The following ING3 variants were observed in gnomAD, a reference collection of about 807,000 sequenced individuals.
ING3 encodes inhibitor of growth family member 3.
In ING3, 6 loss-of-function variants were observed where a neutral mutation model predicts 64.8. That is an observed-to-expected ratio of 0.09 (90% confidence interval 0.05 to 0.18). The LOEUF (loss-of-function observed/expected upper bound fraction) is 0.18, where lower values mean the gene tolerates loss of function less well. Among genes scored for constraint, ING3 ranks in the 10% least tolerant of loss-of-function variants. The pLI, the probability that ING3 is intolerant of heterozygous loss-of-function variation, is 1.00. For synonymous variants in ING3, 170 were observed against 173.7 expected, an observed-to-expected ratio of 0.98 and a Z score of 0.17; for missense variants, 310 against 489.7, an observed-to-expected ratio of 0.63 and a Z score of 3.46.
At chr7:120,958,591 A>T (rs1213647594) in intron 4 of ING3, among the ~76,000 whole-genome samples, 1 of 152,184 alleles carries the variant, frequency 6.6e-6, no homozygotes, top group East Asian at 1.9e-4. Context: ...TTCAATCAAG[A>T]GACTGGTTGA....
At chr7:120,969,684 G>C (rs1375906621) in intron 9 of ING3, among the ~76,000 whole-genome samples, 1 of 152,012 alleles carries the variant, frequency 6.6e-6, no homozygotes, top group Non-Finnish European at 1.5e-5. Flanking sequence ...TTTTGTATAT[G>C]AGACTTGGGA....
intron 4 of ING3, among the ~76,000 whole-genome samples, chr7:120,957,334 T>A (rs1283455415): frequency 6.6e-6 from 1 of 150,970 alleles, no homozygotes; most frequent in Non-Finnish European, 1.5e-5. Context: ...ATCGCGCCAC[T>A]GCACTCCAGC....
chr7:120,963,043 T>G (rs909572217), intron 4 of ING3, among the ~76,000 whole-genome samples: 6 of 152,072 alleles, frequency 3.9e-5, no homozygotes, highest in Non-Finnish European at 8.8e-5. Context: ...CAAAAAGCAA[T>G]GGAGTGTTTT....
At chr7:120,953,483 C>T in intron 3 of ING3, 79 bp downstream of exon 3, 2 of 795,014 alleles carry the variant, frequency 2.5e-6, no homozygotes, top group South Asian at 3.2e-5. Context: ...AAATAGTGGT[C>T]TGGATATCAA....
At chr7:120,967,478 T>G (rs908180578) in intron 6 of ING3, 51 bp from the exon 7 acceptor site, 25 of 1,349,790 alleles carry the variant, frequency 1.9e-5, no homozygotes, top group Non-Finnish European at 2.5e-5. Context: ...TTATGCCTTG[T>G]CCATAGTTCT....
At chr7:120,960,369 T>C (rs1471610630) in intron 4 of ING3, among the ~76,000 whole-genome samples, 1 of 152,170 alleles carries the variant, frequency 6.6e-6, no homozygotes, top group East Asian at 1.9e-4. Context: ...TGAAGGACTT[T>C]AAACAGAGGC....
At chr7:120,956,844 T>A in intron 4 of ING3, 1 of 955,754 alleles carries the variant, frequency 1.0e-6, no homozygotes. Context: ...ACTGCCTGCT[T>A]TTTAATTCAT....
chr7:120,971,286 C>T (rs1288930763), intron 10 of ING3, among the ~76,000 whole-genome samples: 1 of 152,162 alleles, frequency 6.6e-6, no homozygotes, highest in African/African-American at 2.4e-5. Flanking sequence ...GAGACTGCTG[C>T]CTTCTCACCG....
At chr7:120,957,570 C>T (rs1429503370) in intron 4 of ING3, among the ~76,000 whole-genome samples, 1 of 152,088 alleles carries the variant, frequency 6.6e-6, no homozygotes, top group Non-Finnish European at 1.5e-5. Flanking sequence ...TTACTGATTT[C>T]TTAGAGGGTA....
intron 5 of ING3, 92 bp from the exon 6 acceptor site, chr7:120,966,534 G>A (rs1250695801): frequency 1.1e-6 from 1 of 939,976 alleles, no homozygotes; most frequent in African/African-American, 1.6e-5. Flanking sequence ...TCCTCTGCTG[G>A]GTAAGGGAAC....
At chr7:120,954,751 TA>T (rs1037745782) in intron 3 of ING3, among the ~76,000 whole-genome samples, 7 of 151,682 alleles carry the variant, frequency 4.6e-5, no homozygotes, top group South Asian at 2.1e-4. Context: ...CCCTCTTTTT[TA>T]AAAAAAAATT....
intron 11 of ING3, among the ~76,000 whole-genome samples, chr7:120,973,913 A>G (rs1796101150): frequency 6.6e-6 from 1 of 152,182 alleles, no homozygotes; most frequent in African/African-American, 2.4e-5. Flanking sequence ...CAATCTGAAG[A>G]TTGAGGGAGC....
intron 4 of ING3, among the ~76,000 whole-genome samples, chr7:120,958,869 CTT>C (rs1795889335): frequency 6.6e-6 from 1 of 152,208 alleles, no homozygotes; most frequent in Admixed American, 6.5e-5. Context: ...CATTCAGACT[CTT>C]TGACACTCCC....
At chr7:120,951,316 G>A in intron 2 of ING3, 81 bp downstream of exon 2, 1 of 1,326,788 alleles carries the variant, frequency 7.5e-7, no homozygotes, top group Non-Finnish European at 1.1e-6. Flanking sequence ...AGCGCCTAGT[G>A]CTCTTTCACT....
intron 2 of ING3, among the ~76,000 whole-genome samples, chr7:120,952,391 C>T (rs978782092): frequency 6.6e-6 from 1 of 152,128 alleles, no homozygotes; most frequent in African/African-American, 2.4e-5. Context: ...TTTCTAGTAT[C>T]TGATACAAAG....
intron 4 of ING3, chr7:120,956,022 G>A: frequency 1.5e-6 from 1 of 671,786 alleles, no homozygotes; most frequent in Non-Finnish European, 2.6e-6. Flanking sequence ...AAGAGTTCTT[G>A]GTAGTCTGAT....
rs115216059 is a variant in ING3 at position 120,967,080 on chromosome 7, C to T, written c.436+383C>T. 2.1e-3 allele frequency among the ~76,000 whole-genome samples: 316 copies of T among 152,252 alleles called. 1 individual carries two copies. The highest frequency in any genetic ancestry group is 7.2e-3 in the African/African-American group (300 of 41,546). On this transcript the variant is annotated intron_variant, in intron 6 of 11. Coordinates refer to ENST00000315870, the MANE Select transcript of ING3 (RefSeq NM_019071.3). ...TCATCCTTGCTTCTCCAGTGCTTAA[C>T]CTAATGTTTGGCATATAATTAAGTC...
In ING3 at chr7:120,975,648, T is replaced by TA. The variant is rs1796125968; in HGVS notation, c.*810dup. The TA allele has an allele frequency of 6.6e-6, 1 of 152,156 alleles. No individual in the cohort carries two copies. The highest frequency in any genetic ancestry group is 2.4e-5 in the African/African-American group (1 of 41,434). 9.4% of individuals were successfully genotyped at this position (152,156 alleles called of 1,614,324 possible). On this transcript the variant is annotated 3_prime_UTR_variant, in exon 12 of 12. Transcript: ENST00000315870. ...GTATTAGGTGTTAAAATAAAGTTTT[T>TA]AAAAAATTACTTGTATTTATACTTT...
At chr7:120,966,520 C>G (rs1795998994) in intron 5 of ING3, 106 bp from the exon 6 acceptor site, 1 of 849,544 alleles carries the variant, frequency 1.2e-6, no homozygotes, top group South Asian at 1.3e-5. Flanking sequence ...TCAGAACTTG[C>G]TAGTCCTCTG....
Sources: gnomAD v4.1 joint callset for allele counts (sites outside exome capture counted in the v4.1 genomes callset) on GRCh38, gnomAD v4.1.1 for gene constraint, MANE v1.5 for transcripts, NCBI Gene and HGNC (gene_info 2026-07-23, HGNC 2026-07-21) for gene names.